Variants in SFT2D1 observed in about 807,000 individuals in gnomAD.
The protein encoded by SFT2D1 is vesicle transport protein SFT2A.
Under a neutral mutation model 28.1 loss-of-function variants are expected in SFT2D1, and 24 were observed. That is an observed-to-expected ratio of 0.85 (90% confidence interval 0.62 to 1.20). SFT2D1 has a LOEUF of 1.20. Among genes scored for constraint, SFT2D1 ranks in the 50% most tolerant of loss-of-function variants. The probability of loss-of-function intolerance (pLI) is 0.00; values close to 1 mark genes in which losing one functional copy is unlikely to be tolerated. For synonymous variants in SFT2D1, 82 were observed against 73.7 expected (o/e 1.11, Z -0.58); for missense variants, 181 against 190.9 (o/e 0.95, Z 0.31).
At chr6:166,320,336 C>T (rs982597499) in intron 7 of SFT2D1, 80 bp from the exon 8 acceptor site, 1 of 1,154,030 alleles carries the variant, frequency 8.7e-7, no homozygotes, top group Admixed American at 2.1e-5. Context: ...TGCTAAATCA[C>T]CTTTTTTAAC....
intron 5 of SFT2D1, 77 bp from the exon 6 acceptor site, chr6:166,324,672 T>C (rs1359486846): frequency 7.3e-7 from 1 of 1,363,530 alleles, no homozygotes. Flanking sequence ...TTAATTCTTG[T>C]CTTTCAAAAA....
At chr6:166,321,021 G>T (rs950232273) in intron 7 of SFT2D1, among the ~76,000 whole-genome samples, 2 of 151,952 alleles carry the variant, frequency 1.3e-5, no homozygotes, top group African/African-American at 4.8e-5. Context: ...TGAGCCAGGA[G>T]AAACTCTTGA....
Position 166,324,590 on chromosome 6 carries a change from A to G in SFT2D1, c.357T>C (p.His119=). 1 of 1,612,766 alleles carries G rather than the reference A, an allele frequency of 6.2e-7. No homozygotes were observed. The highest frequency in any genetic ancestry group is 1.1e-5 in the South Asian group (1 of 90,782). Reference sequence around the variant, plus strand: ...AGAATAACACAGCCAGTCCCTTCTTATGCCACTAACAACAGCAAAAACAGA... The same window carrying G: ...AGAATAACACAGCCAGTCCCTTCTTGTGCCACTAACAACAGCAAAAACAGA... ...IFTLCAALWW[H]KKGLAVLFCI... is the part of the protein sequence containing the mutation. Residue 119 remains histidine (H), a synonymous_variant, in exon 6 of 8, where the codon CAT becomes CAC. Transcript: ENST00000361731.
intron 3 of SFT2D1, among the ~76,000 whole-genome samples, chr6:166,328,915 C>A (rs1162642492): frequency 6.6e-6 from 1 of 152,226 alleles, no homozygotes; most frequent in Non-Finnish European, 1.5e-5. Context: ...TATAAAGTAG[C>A]CCTCTGTCAC....
intron 1 of SFT2D1, chr6:166,331,334 G>A (rs1347427594): frequency 1.3e-5 from 2 of 152,520 alleles, no homozygotes; most frequent in African/African-American, 4.8e-5. Context: ...TGAAAAATAA[G>A]AGAAAGTTCT....
Position 166,329,491 on chromosome 6 carries a change from G to T in SFT2D1, c.233+16C>A. The T allele has an allele frequency of 6.3e-7, 1 of 1,598,678 alleles. No individual in the cohort carries two copies. The highest frequency in any genetic ancestry group is 1.1e-5 in the South Asian group (1 of 88,778). ...GTAGCAAGAGCAAACAAGATATTTTGAGAAGCCAAACGTACCTGGCTAACG... is the reference window on the plus strand; with the variant it reads ...GTAGCAAGAGCAAACAAGATATTTTTAGAAGCCAAACGTACCTGGCTAACG... On this transcript the variant is annotated intron_variant, in intron 3 of 7. Coordinates refer to ENST00000361731, the MANE Select transcript of SFT2D1 (RefSeq NM_145169.3).
chr6:166,334,066 C>T (rs534597764), intron 1 of SFT2D1, among the ~76,000 whole-genome samples: 2 of 152,326 alleles, frequency 1.3e-5, no homozygotes, highest in South Asian at 4.2e-4. Context: ...TGAACATGTT[C>T]TCACTCTCTG....
rs1388845069 is a variant in SFT2D1 at position 166,329,365 on chromosome 6, A to AT, written c.233+141dup. On this transcript the variant is annotated intron_variant, in intron 3 of 7. Coordinates refer to ENST00000361731, the MANE Select transcript of SFT2D1 (RefSeq NM_145169.3). ...GACGGCATACAGCAGCAGTCAATACATATTTATTTAATGAATGTAAATCCT... is the reference window on the plus strand; with the variant it reads ...GACGGCATACAGCAGCAGTCAATACATTATTTATTTAATGAATGTAAATCCT... 16 of 647,676 alleles carry AT rather than the reference A, an allele frequency of 2.5e-5. No homozygotes were observed. The African/African-American group carries it at 2.5e-4, about 10-fold the overall frequency. The allele number at this position is 647,676 out of a possible 1,614,324, so 40.1% of individuals were successfully genotyped here. A position where few individuals can be genotyped will look rare whatever the true frequency, so the allele number is the denominator to read the frequency against.
intron 1 of SFT2D1, among the ~76,000 whole-genome samples, chr6:166,332,632 C>CT (rs940062853): frequency 1.3e-5 from 2 of 152,178 alleles, no homozygotes; most frequent in African/African-American, 4.8e-5. Context: ...AAACCAGCAA[C>CT]TTTGTTAATC....
intron 6 of SFT2D1, chr6:166,323,233 A>G: frequency 4.8e-6 from 1 of 207,664 alleles, no homozygotes; most frequent in Non-Finnish European, 9.5e-6. Flanking sequence ...GGGATAAATC[A>G]ATTATTAGTT....
At position 166,326,127 on chromosome 6, in the gene SFT2D1, C is replaced by G. The variant is rs1314770618; in HGVS notation, c.351+5G>C. The G allele has an allele frequency of 6.2e-7, 1 of 1,613,666 alleles. No homozygotes were observed. Among genetic ancestry groups the G allele is most frequent in the Non-Finnish European group, 8.5e-7 (1 of 1,179,746 alleles). On this transcript the variant is annotated splice_donor_5th_base_variant and intron_variant, in intron 5 of 7. Coordinates refer to ENST00000361731, the MANE Select transcript of SFT2D1 (RefSeq NM_145169.3). ...CTGAAAGCCAGTAGGGCTGACATAA[C>G]TTACCCAAAGAGCAGCACACAGGGT...
Position 166,329,585 on chromosome 6 carries a change from G to C in SFT2D1, c.155C>G (p.Thr52Ser), listed in dbSNP as rs1472858507. ...VCGVFFSILG[T>S]GLLWLPGGIK... is the part of the protein sequence containing the mutation. ...GCCGCCCGGAAGCCACAGCAATCCA[G>C]TTCCCTAAGTTAAGATATTATAGTT... The change falls in exon 3 of 8, where the codon ACT (threonine) becomes AGT (serine). Residue 52 changes from threonine (T) to serine (S), a missense_variant. Transcript: ENST00000361731. 6.2e-7 allele frequency: 1 copy of C among 1,603,396 alleles called. No homozygotes were observed. Among genetic ancestry groups the C allele is most frequent in the South Asian group, 1.1e-5 (1 of 88,818 alleles).
At chr6:166,336,936 A>C (rs554213947) in intron 1 of SFT2D1, among the ~76,000 whole-genome samples, 2 of 152,256 alleles carry the variant, frequency 1.3e-5, no homozygotes, top group Admixed American at 1.3e-4. Context: ...CCTCCTCCTC[A>C]TACCATCACA....
intron 1 of SFT2D1, among the ~76,000 whole-genome samples, chr6:166,339,030 T>C (rs1219298684): frequency 6.6e-6 from 1 of 152,070 alleles, no homozygotes; most frequent in Non-Finnish European, 1.5e-5. Context: ...GTGCCCGCCA[T>C]CCTGGTTACG....
chr6:166,341,401 A>G (rs900204890), intron 1 of SFT2D1, among the ~76,000 whole-genome samples: 1 of 151,068 alleles, frequency 6.6e-6, no homozygotes, highest in African/African-American at 2.4e-5. Context: ...GCGAGTCGAG[A>G]TCACGCCACT....
intron 6 of SFT2D1, chr6:166,323,587 T>C (rs1238108362): frequency 6.6e-6 from 1 of 152,244 alleles, no homozygotes; most frequent in Non-Finnish European, 1.5e-5. Flanking sequence ...CAGATATTTA[T>C]GGCCTTTATG....
In SFT2D1 at chr6:166,323,002, C is replaced by T. The variant is rs1392730809; in HGVS notation, c.411-116G>A. On this transcript the variant is annotated intron_variant, in intron 6 of 7. Transcript: ENST00000361731. ...AGCAGCATGAGACTGTACAGTGGTT[C>T]TCAAAGTGTGACCCCGACCAGCAGT... 6.3e-6 allele frequency: 5 copies of T among 788,252 alleles called. No homozygotes were observed. In the Admixed American group the frequency reaches 1.2e-4, roughly 19 times the overall value. The allele number at this position is 788,252 out of a possible 1,614,324, so 48.8% of individuals were successfully genotyped here.
chr6:166,335,745 A>T (rs1039619381), intron 1 of SFT2D1, among the ~76,000 whole-genome samples: 8 of 152,216 alleles, frequency 5.3e-5, no homozygotes, highest in Non-Finnish European at 1.2e-4. Flanking sequence ...CACTGGCAGA[A>T]GATTTTAATC....
chr6:166,322,768 G>A (rs972704193), intron 7 of SFT2D1, 89 bp downstream of exon 7: 4 of 973,874 alleles, frequency 4.1e-6, no homozygotes, highest in East Asian at 2.9e-5. Context: ...GGTTTAAATA[G>A]TATTTTTATG....
Sources: gnomAD v4.1 joint callset for allele counts (sites outside exome capture counted in the v4.1 genomes callset) on GRCh38, gnomAD v4.1.1 for gene constraint, MANE v1.5 for transcripts, NCBI Gene and HGNC (gene_info 2026-07-23, HGNC 2026-07-21) for gene names.